Variants in RNF169 observed in about 807,000 individuals in gnomAD.
The protein encoded by RNF169 is ring finger protein 169, also known as E3 ubiquitin-protein ligase RNF169.
RNF169 carries 24 observed loss-of-function variants against 53.9 expected under a neutral mutation model. The observed-to-expected ratio is 0.45, with a 90% CI of 0.32 to 0.63. The LOEUF (loss-of-function observed/expected upper bound fraction) is 0.63. Ranked by LOEUF, RNF169 falls within the 20% of genes least tolerant of loss-of-function variation. The pLI is 0.04. For missense variants in RNF169, 883 were observed against 906.2 expected (o/e 0.97, Z 0.33); for synonymous variants, 396 against 363.5 (o/e 1.09, Z -1.02).
In RNF169 at chr11:74,749,062, CGCGGCCGGA is replaced by C; in HGVS notation, c.184_192del (p.Arg62_Glu64del). 6.8e-7 allele frequency: 1 copy of C among 1,466,660 alleles called. No individual in the cohort carries two copies. Among genetic ancestry groups the C allele is most frequent in the Non-Finnish European group, 9.0e-7 (1 of 1,107,868 alleles). 90.9% of individuals were successfully genotyped at this position (1,466,660 alleles called of 1,614,324 possible). The stretch of plus-strand genomic sequence containing the variant: ...CCGTTGCTGCAGCCGCCGCTGCCGC[CGCGGCCGGA>C]GGAATCGGGCTGCGCCGGGTGCCTG... On this transcript the variant is annotated inframe_deletion, in exon 1 of 6. Transcript: ENST00000299563.
rs1334726403 is a variant in RNF169 at position 74,749,133 on chromosome 11, C to T, written c.253C>T (p.His85Tyr). ...AGAAGCAGCGGCCCTGCCGTGCGGCCACTCGCTTTGCCGAGGCTGCGCCCA... is the reference window on the plus strand; with the variant it reads ...AGAAGCAGCGGCCCTGCCGTGCGGCTACTCGCTTTGCCGAGGCTGCGCCCA... ...PGEAAALPCG[H>Y]SLCRGCAQRA... Residue 85 changes from histidine to tyrosine, a missense_variant, in exon 1 of 6, where the codon CAC becomes TAC. Around this residue, in one of 3 missense-constraint regions of RNF169, gnomAD observed 313 missense variants for 279.9 expected, o/e 1.12. Transcript: ENST00000299563. The T allele has an allele frequency of 7.5e-7, 1 of 1,337,110 alleles. No individual in the cohort carries two copies. Among genetic ancestry groups the T allele is most frequent in the Non-Finnish European group, 9.6e-7 (1 of 1,041,810 alleles). 82.8% of individuals were successfully genotyped at this position (1,337,110 alleles called of 1,614,324 possible). A position where few individuals can be genotyped will look rare whatever the true frequency, so the allele number is the denominator to read the frequency against.
intron 2 of RNF169, among the ~76,000 whole-genome samples, chr11:74,804,262 G>A (rs1005807145): frequency 2.6e-5 from 4 of 152,120 alleles, no homozygotes; most frequent in South Asian, 2.1e-4. Context: ...TCTTATGCCC[G>A]GAGCTGCTAG....
In RNF169 at chr11:74,823,128, A is replaced by G. The variant is rs371782118; in HGVS notation, c.842+5414A>G. On this transcript the variant is annotated intron_variant, in intron 4 of 5. Coordinates refer to ENST00000299563, the MANE Select transcript of RNF169 (RefSeq NM_001098638.2). Reference sequence around the variant, plus strand: ...TCTGGGTATTATGTTTATGTTTTATATAATATTTTTACATTCATGATTTTA... The same window carrying G: ...TCTGGGTATTATGTTTATGTTTTATGTAATATTTTTACATTCATGATTTTA... Among the ~76,000 whole-genome samples the G allele has an allele frequency of 3.6e-4, 55 of 152,360 alleles. 1 individual carries two copies. The South Asian group carries it at 9.1e-3, about 25-fold the overall frequency.
At chr11:74,775,848 T>C (rs2035325676) in intron 1 of RNF169, among the ~76,000 whole-genome samples, 1 of 152,186 alleles carries the variant, frequency 6.6e-6, no homozygotes, top group Non-Finnish European at 1.5e-5. Flanking sequence ...CTGAGCTCTT[T>C]GAGGTCAGGG....
intron 4 of RNF169, among the ~76,000 whole-genome samples, chr11:74,823,092 C>T (rs1182950347): frequency 6.6e-6 from 1 of 152,158 alleles, no homozygotes; most frequent in East Asian, 1.9e-4. Context: ...ACAATAACAA[C>T]AATAATATTA....
chr11:74,818,334 A>G (rs1348531187), intron 4 of RNF169, among the ~76,000 whole-genome samples: 2 of 152,208 alleles, frequency 1.3e-5, no homozygotes, highest in African/African-American at 4.8e-5. Context: ...CATTCATTCA[A>G]CAGACATTTT....
chr11:74,790,451 A>G (rs949870893), intron 2 of RNF169, among the ~76,000 whole-genome samples: 8 of 152,196 alleles, frequency 5.3e-5, no homozygotes, highest in Non-Finnish European at 8.8e-5. Flanking sequence ...CAATAATGCT[A>G]TTGTCACAGG....
At chr11:74,764,088 A>G (rs1174526985) in intron 1 of RNF169, among the ~76,000 whole-genome samples, 1 of 152,236 alleles carries the variant, frequency 6.6e-6, no homozygotes, top group East Asian at 1.9e-4. Flanking sequence ...CAGAACACCA[A>G]AGACTATTAA....
At chr11:74,826,790 T>G (rs2036104069) in intron 4 of RNF169, among the ~76,000 whole-genome samples, 1 of 152,238 alleles carries the variant, frequency 6.6e-6, no homozygotes, top group Non-Finnish European at 1.5e-5. Context: ...TGAAGTGATC[T>G]CCTTTGACTC....
At chr11:74,823,121 G>A (rs971499750) in intron 4 of RNF169, among the ~76,000 whole-genome samples, 1 of 152,098 alleles carries the variant, frequency 6.6e-6, no homozygotes, top group African/African-American at 2.4e-5. Flanking sequence ...TTATGTTTAT[G>A]TTTTATATAA....
chr11:74,806,811 G>A (rs2035811677), intron 2 of RNF169, among the ~76,000 whole-genome samples: 1 of 151,904 alleles, frequency 6.6e-6, no homozygotes, highest in Non-Finnish European at 1.5e-5. Flanking sequence ...GGTGAGGGGT[G>A]AGCATAAGGG....
At chr11:74,775,514 C>T (rs369558490) in intron 1 of RNF169, among the ~76,000 whole-genome samples, 1 of 151,668 alleles carries the variant, frequency 6.6e-6, no homozygotes, top group Non-Finnish European at 1.5e-5. Flanking sequence ...TCATATTCAT[C>T]TCTCTGTTCT....
chr11:74,823,686 A>G (rs1240608709), intron 4 of RNF169, among the ~76,000 whole-genome samples: 2 of 149,696 alleles, frequency 1.3e-5, no homozygotes, highest in East Asian at 4.0e-4. Flanking sequence ...TCAGTTAGCC[A>G]TGATCACTTC....
At chr11:74,761,628 T>G (rs2035083938) in intron 1 of RNF169, among the ~76,000 whole-genome samples, 1 of 152,226 alleles carries the variant, frequency 6.6e-6, no homozygotes. Context: ...TTAAGAATGT[T>G]GAATATTGGC....
chr11:74,777,206 ACTGGTAGGCACATAGT>A (rs1169768003), intron 1 of RNF169, among the ~76,000 whole-genome samples: 2 of 152,210 alleles, frequency 1.3e-5, no homozygotes, highest in Admixed American at 1.3e-4. Flanking sequence ...AAAGATAAAT[ACTGGTAGGCACATAGT>A]CACTAGGTGA....
chr11:74,770,953 G>T (rs1406096714), intron 1 of RNF169, among the ~76,000 whole-genome samples: 1 of 152,010 alleles, frequency 6.6e-6, no homozygotes, highest in Non-Finnish European at 1.5e-5. Flanking sequence ...TTACAGGCCA[G>T]TGCCCCCATG....
intron 4 of RNF169, among the ~76,000 whole-genome samples, chr11:74,832,833 A>G (rs1173716710): frequency 6.6e-6 from 1 of 152,188 alleles, no homozygotes; most frequent in Non-Finnish European, 1.5e-5. Context: ...GCCATACAGT[A>G]TACTTCTGGG....
rs773131513 is a variant in RNF169, at chr11:74,836,221, G to C, written c.1618G>C (p.Gly540Arg). Residue 540 changes from glycine (G) to arginine (R), a missense_variant, in exon 6 of 6, where the codon GGG becomes CGG. Physicochemically the swap from Gly to Arg is moderately radical, Grantham distance 125 (BLOSUM62 -2). This residue lies in a region of RNF169 where 351 missense variants were observed against 337.3 expected (regional missense o/e 1.04). Coordinates refer to ENST00000299563, the MANE Select transcript of RNF169 (RefSeq NM_001098638.2). ...CSSELKGGGS[G>R]TSLEREQFEG... Reference sequence around the variant, plus strand: ...CTCAGAACTCAAAGGGGGAGGCAGTGGGACTTCTTTGGAGAGGGAGCAGTT... The same window carrying C: ...CTCAGAACTCAAAGGGGGAGGCAGTCGGACTTCTTTGGAGAGGGAGCAGTT... 11 of 1,614,084 alleles carry C rather than the reference G, an allele frequency of 6.8e-6. No individual in the cohort carries two copies. In the South Asian group the frequency reaches 1.2e-4, roughly 18 times the overall value.
intron 1 of RNF169, among the ~76,000 whole-genome samples, chr11:74,769,186 C>A (rs1057428446): frequency 4.6e-5 from 7 of 151,994 alleles, no homozygotes; most frequent in African/African-American, 1.7e-4. Flanking sequence ...TGACAGATAG[C>A]TTATTAGAAA....
Sources: allele counts gnomAD v4.1 joint callset (sites outside exome capture counted in the v4.1 genomes callset), GRCh38; gene constraint gnomAD v4.1.1; regional missense constraint gnomAD v4.1.1; transcripts MANE v1.5; gene names NCBI Gene and HGNC (gene_info 2026-07-23, HGNC 2026-07-21).